CAST: variants seen among roughly 807,000 people sequenced by gnomAD.
CAST encodes calpastatin, also known as MIR583 host.
In CAST, 76 loss-of-function variants were observed where a neutral mutation model predicts 119.6. That is an observed-to-expected ratio of 0.64 (90% CI 0.53 to 0.77). CAST has a LOEUF of 0.77. Ranked by LOEUF, CAST falls within the 30% of genes least tolerant of loss-of-function variation. The pLI is 0.00. For missense variants in CAST, 953 were observed against 946.5 expected (o/e 1.01, Z -0.09); for synonymous variants, 319 against 331.6 (o/e 0.96, Z 0.41).
chr5:96,083,495 C>G, the CAST span, among the ~76,000 whole-genome samples: 1 of 152,158 alleles, frequency 6.6e-6, no homozygotes, highest in Non-Finnish European at 1.5e-5. Context: ...GAAGTGGTGA[C>G]ACACTGGGCT....
chr5:95,967,149 T>C, the CAST span, among the ~76,000 whole-genome samples: 8 of 152,102 alleles, frequency 5.3e-5, no homozygotes, highest in African/African-American at 9.7e-5. Flanking sequence ...TAGGAAGACA[T>C]GGGGTGGGGA....
chr5:96,539,897 T>G (rs1170814312), intron 1 of CAST, among the ~76,000 whole-genome samples: 1 of 152,190 alleles, frequency 6.6e-6, no homozygotes, highest in African/African-American at 2.4e-5. Flanking sequence ...TTGGGCAATC[T>G]GTCCTTAGTT....
intron 1 of CAST, among the ~76,000 whole-genome samples, chr5:96,636,799 G>A (rs563467828): frequency 3.9e-5 from 6 of 152,226 alleles, no homozygotes; most frequent in South Asian, 4.1e-4. Flanking sequence ...ATTCCCTTAC[G>A]ACATTTGCAG....
chr5:96,283,598 T>G, the CAST span, among the ~76,000 whole-genome samples: 1 of 152,212 alleles, frequency 6.6e-6, no homozygotes. Flanking sequence ...GCATCATTTC[T>G]GTCTGGTCCA....
the CAST span, among the ~76,000 whole-genome samples, chr5:96,202,043 T>C: frequency 2.0e-5 from 3 of 152,236 alleles, no homozygotes; most frequent in East Asian, 3.9e-4. Flanking sequence ...GGAAATGTCA[T>C]TGAAACTAGT....
the CAST span, among the ~76,000 whole-genome samples, chr5:96,112,077 A>C: frequency 6.6e-6 from 1 of 151,566 alleles, no homozygotes. Context: ...TCTTTTATAC[A>C]ATAAGAAAAA....
chr5:96,165,530 C>T, the CAST span, among the ~76,000 whole-genome samples: 1 of 152,140 alleles, frequency 6.6e-6, no homozygotes, highest in Non-Finnish European at 1.5e-5. Context: ...TACATACACA[C>T]ATAACTTTAT....
chr5:96,148,827 G>A, the CAST span, among the ~76,000 whole-genome samples: 5 of 152,258 alleles, frequency 3.3e-5, no homozygotes, highest in Non-Finnish European at 7.3e-5. Context: ...GAAAGAGCAA[G>A]AGGCTAGAGT....
intron 1 of CAST, among the ~76,000 whole-genome samples, chr5:96,581,170 A>G (rs1746764348): frequency 6.6e-6 from 1 of 152,278 alleles, no homozygotes; most frequent in Non-Finnish European, 1.5e-5. Flanking sequence ...TCAACCTTTA[A>G]TTAGCTAAGA....
the CAST span, among the ~76,000 whole-genome samples, chr5:96,223,793 G>A: frequency 6.6e-6 from 1 of 152,090 alleles, no homozygotes; most frequent in South Asian, 2.1e-4. Context: ...AATGTCCTGG[G>A]CTCACCCTTT....
At chr5:96,479,639 G>A in the CAST span, among the ~76,000 whole-genome samples, 1 of 151,932 alleles carries the variant, frequency 6.6e-6, no homozygotes, top group African/African-American at 2.4e-5. Context: ...GAGTAGGGAC[G>A]GGGTTTCACC....
At chr5:96,145,034 C>T in the CAST span, among the ~76,000 whole-genome samples, 1 of 152,188 alleles carries the variant, frequency 6.6e-6, no homozygotes, top group Admixed American at 6.5e-5. Context: ...AGCCTCTCGG[C>T]ATGTACTTAT....
chr5:96,546,028 G>A (rs543496358), intron 1 of CAST, among the ~76,000 whole-genome samples: 1 of 152,158 alleles, frequency 6.6e-6, no homozygotes, highest in Non-Finnish European at 1.5e-5. Context: ...TTTGTTTCTG[G>A]CCATCTCTTA....
chr5:96,031,340 T>A, the CAST span, among the ~76,000 whole-genome samples: 1 of 152,072 alleles, frequency 6.6e-6, no homozygotes, highest in Non-Finnish European at 1.5e-5. Flanking sequence ...TAACAGATGG[T>A]CCTTGTTTTC....
the CAST span, chr5:96,411,027 A>G: frequency 7.3e-7 from 1 of 1,375,626 alleles, no homozygotes; most frequent in Non-Finnish European, 1.0e-6. Context: ...GTTATCATCT[A>G]TTGGGGTCAT....
In CAST at chr5:96,566,243, C is replaced by A. The variant is rs75774393; in HGVS notation, c.60+36363C>A. ...CCTAATGAACGTGAATTTCTGTGTG[C>A]AAATTCTGCCTTGGAGAAAAGCAAC... On this transcript the variant is annotated intron_variant, in intron 1 of 11. Coordinates refer to the CAST transcript ENST00000505143. 9.4e-3 allele frequency among the ~76,000 whole-genome samples: 1,430 copies of A among 152,294 alleles called. 27 individuals are homozygous for A. The highest frequency in any genetic ancestry group is 0.033 in the African/African-American group (1,369 of 41,530).
At chr5:96,672,631 C>T (rs1259516020) in intron 1 of CAST, among the ~76,000 whole-genome samples, 2 of 138,272 alleles carry the variant, frequency 1.4e-5, no homozygotes, top group Non-Finnish European at 3.0e-5. Flanking sequence ...AGCTTGAGCT[C>T]AGGAGGTGGA....
chr5:96,738,497 G>A (rs545106301), intron 11 of CAST, among the ~76,000 whole-genome samples: 3 of 152,180 alleles, frequency 2.0e-5, no homozygotes, highest in Admixed American at 1.3e-4. Flanking sequence ...ACTGGGACAC[G>A]GTCCACTGGG....
chr5:96,608,088 C>T (rs1426985761), intron 1 of CAST, among the ~76,000 whole-genome samples: 6 of 152,162 alleles, frequency 3.9e-5, no homozygotes, highest in African/African-American at 1.2e-4. Context: ...GTGTACCCTT[C>T]GACCAACATC....
Sources: gnomAD v4.1 joint callset for allele counts (sites outside exome capture counted in the v4.1 genomes callset) on GRCh38, gnomAD v4.1.1 for gene constraint, MANE v1.5 for transcripts, NCBI Gene and HGNC (gene_info 2026-07-23, HGNC 2026-07-21) for gene names.